Variants in VPS13D observed in about 807,000 individuals in gnomAD.
The protein encoded by VPS13D is vacuolar protein sorting 13 homolog D.
In VPS13D, 187 loss-of-function variants were observed where a neutral mutation model predicts 461.9. That is an observed-to-expected ratio of 0.40 (90% confidence interval 0.36 to 0.46). VPS13D has a LOEUF of 0.46. Among genes scored for constraint, VPS13D ranks in the 20% least tolerant of loss-of-function variants. The pLI, the probability that VPS13D is intolerant of heterozygous loss-of-function variation, is 0.60. For missense variants in VPS13D, 4,711 were observed against 5,364.9 expected (o/e 0.88, Z 3.81); for synonymous variants, 1,951 against 1,986.3 (o/e 0.98, Z 0.47).
rs1471944802 is a variant in VPS13D, at chr1:12,299,114, C to T, written c.6034-88C>T. 4 of 1,294,382 alleles carry T rather than the reference C, an allele frequency of 3.1e-6. No homozygotes were observed. Among genetic ancestry groups the T allele is most frequent in the Non-Finnish European group, 4.2e-6 (4 of 948,040 alleles). 80.2% of individuals were successfully genotyped at this position (1,294,382 alleles called of 1,614,324 possible). A position where few individuals can be genotyped will look rare whatever the true frequency, so the allele number is the denominator to read the frequency against. ...TGTATGATTTTAATTGTTTTATAAA[C>T]TCACGAAACTTTTGGGAACCTGAGG... On this transcript the variant is annotated intron_variant, in intron 24 of 69. Transcript: ENST00000620676. This position sits in a 1 kb window ranked among gnomAD's most constrained non-coding sequence, Gnocchi z 4.2.
In VPS13D at chr1:12,282,792, A is replaced by G; in HGVS notation, c.4690A>G (p.Ser1564Gly). 1 of 1,614,148 alleles carries G rather than the reference A, an allele frequency of 6.2e-7. No individual in the cohort carries two copies. Among genetic ancestry groups the G allele is most frequent in the East Asian group, 2.2e-5 (1 of 44,886 alleles). The change falls in exon 21 of 70, where the codon AGT becomes GGT. Residue 1564 changes from serine to glycine, a missense_variant. Transcript: ENST00000620676. ...TGAAGATCTGAATAAGTATCCAGCC[A>G]GTGCTACCTCCTCCCCTTGCCCTGA... ...YSEDLNKYPA[S>G]ATSSPCPDSP...
At chr1:12,422,907 T>C (rs1451760295) in intron 65 of VPS13D, among the ~76,000 whole-genome samples, 1 of 151,850 alleles carries the variant, frequency 6.6e-6, no homozygotes, top group Admixed American at 6.6e-5. Flanking sequence ...GGCATTCTTC[T>C]AGGCACTGCA....
intron 27 of VPS13D, among the ~76,000 whole-genome samples, chr1:12,310,075 CT>C (rs1642690217): frequency 6.6e-6 from 1 of 151,490 alleles, no homozygotes; most frequent in Non-Finnish European, 1.5e-5. Flanking sequence ...ACTTTGTTTT[CT>C]TTTCAAGCAA....
intron 60 of VPS13D, 129 bp downstream of exon 60, chr1:12,386,463 T>A: frequency 9.0e-7 from 1 of 1,106,384 alleles, no homozygotes; most frequent in Non-Finnish European, 1.2e-6. Flanking sequence ...AAAAAATCAT[T>A]CTGTGAAATA....
At chr1:12,330,986 A>T (rs1456832920) in intron 37 of VPS13D, among the ~76,000 whole-genome samples, 1 of 152,238 alleles carries the variant, frequency 6.6e-6, no homozygotes, top group Non-Finnish European at 1.5e-5. Flanking sequence ...AAACAAAAAC[A>T]AACAAACGAA....
chr1:12,308,133 C>T (rs1642619974), intron 26 of VPS13D, among the ~76,000 whole-genome samples: 1 of 152,144 alleles, frequency 6.6e-6, no homozygotes, highest in Admixed American at 6.5e-5. Context: ...AATCCCCCAG[C>T]CTCAGTTGTT....
At chr1:12,322,868 C>T (rs2101532673) in intron 34 of VPS13D, 122 bp downstream of exon 34, 3 of 824,712 alleles carry the variant, frequency 3.6e-6, no homozygotes, top group East Asian at 5.4e-5. Flanking sequence ...TTAAGTATAA[C>T]TGTAAGTCCT....
intron 46 of VPS13D, among the ~76,000 whole-genome samples, chr1:12,351,971 A>G (rs1643806559): frequency 1.3e-5 from 2 of 151,576 alleles, no homozygotes; most frequent in African/African-American, 2.4e-5. Flanking sequence ...TTTGAAAATC[A>G]GTAAATGTAA....
intron 67 of VPS13D, among the ~76,000 whole-genome samples, chr1:12,478,267 C>T (rs142687401): frequency 9.8e-4 from 149 of 152,362 alleles, no homozygotes; most frequent in African/African-American, 3.3e-3. Flanking sequence ...GAGGGAGTGC[C>T]GCGTGGGCCG....
chr1:12,321,185 T>C (rs966239051), intron 32 of VPS13D, among the ~76,000 whole-genome samples: 3 of 152,230 alleles, frequency 2.0e-5, no homozygotes, highest in African/African-American at 7.2e-5. Context: ...TTCAAACATA[T>C]ACAAAGTAAA....
chr1:12,508,811 C>T, intron 69 of VPS13D, 82 bp from the exon 70 acceptor site: 3 of 1,493,962 alleles, frequency 2.0e-6, no homozygotes, highest in South Asian at 2.6e-5. Context: ...TGCAGCTGGG[C>T]TGGGAGCCGC....
intron 67 of VPS13D, among the ~76,000 whole-genome samples, chr1:12,487,376 C>T (rs559964055): frequency 2.8e-4 from 42 of 152,060 alleles, no homozygotes; most frequent in South Asian, 1.9e-3. Context: ...TTTGGGAGGC[C>T]GAGGTGGGCG....
At chr1:12,306,047 G>A (rs1279352073) in intron 26 of VPS13D, among the ~76,000 whole-genome samples, 3 of 151,552 alleles carry the variant, frequency 2.0e-5, no homozygotes, top group Non-Finnish European at 4.4e-5. Flanking sequence ...GCAGTGATGC[G>A]ATCTTGGCTC....
At chr1:12,389,090 T>C (rs1244500289) in intron 60 of VPS13D, among the ~76,000 whole-genome samples, 2 of 152,202 alleles carry the variant, frequency 1.3e-5, no homozygotes, top group African/African-American at 2.4e-5. Context: ...ACTGAAGAAC[T>C]TGGAGTCCAA....
chr1:12,489,148 G>A (rs1364254641), intron 67 of VPS13D, among the ~76,000 whole-genome samples: 1 of 152,136 alleles, frequency 6.6e-6, no homozygotes, highest in South Asian at 2.1e-4. Flanking sequence ...CCATTAACAG[G>A]TAGTCTCGCC....
intron 35 of VPS13D, among the ~76,000 whole-genome samples, chr1:12,326,496 G>A (rs56901930): frequency 0.14 from 21,862 of 151,276 alleles, 3,301 homozygotes; most frequent in African/African-American, 0.38. Flanking sequence ...ACCACCATAC[G>A]TGGCTAATTT....
intron 60 of VPS13D, among the ~76,000 whole-genome samples, chr1:12,398,069 T>C (rs1644522187): frequency 1.3e-5 from 2 of 152,212 alleles, no homozygotes; most frequent in South Asian, 4.1e-4. Flanking sequence ...AGGAAGGGTG[T>C]GTATGACTCG....
chr1:12,386,185 G>C lies in VPS13D; in HGVS notation c.11485G>C (p.Val3829Leu). ...KNPDTEQELE[V>L]LVRLEGGIGL... is the part of the protein sequence containing the mutation. ...GTGCCATATTTTGGTTTCCTTTCAGGTGCTTGTGAGGTTAGAAGGTGGAAT... is the reference window on the plus strand; with the variant it reads ...GTGCCATATTTTGGTTTCCTTTCAGCTGCTTGTGAGGTTAGAAGGTGGAAT... The change falls in exon 60 of 70, where the codon GTG becomes CTG. Residue 3829 changes from valine (V) to leucine (L), a missense_variant and splice_region_variant. Physicochemically the swap from Val to Leu is conservative, Grantham distance 32 (BLOSUM62 1). Transcript: ENST00000620676. The C allele has an allele frequency of 6.2e-7, 1 of 1,609,584 alleles. No individual in the cohort carries two copies. Among genetic ancestry groups the C allele is most frequent in the African/African-American group, 1.3e-5 (1 of 74,834 alleles).
At chr1:12,321,466 C>A (rs1007683337) in intron 32 of VPS13D, among the ~76,000 whole-genome samples, 1 of 152,030 alleles carries the variant, frequency 6.6e-6, no homozygotes, top group Non-Finnish European at 1.5e-5. Flanking sequence ...GTGATATAAC[C>A]TTGGCTGCTC....
Sources: allele counts gnomAD v4.1 joint callset (sites outside exome capture counted in the v4.1 genomes callset), GRCh38; gene constraint gnomAD v4.1.1; non-coding constraint Gnocchi (gnomAD v3.1); transcripts MANE v1.5; gene names NCBI Gene and HGNC (gene_info 2026-07-23, HGNC 2026-07-21).